SLC25A21: variants seen among roughly 807,000 people sequenced by gnomAD.
SLC25A21 encodes the protein mitochondrial 2-oxodicarboxylate carrier.
A neutral mutation model predicts 43.8 loss-of-function variants in SLC25A21; 47 were observed. The observed-to-expected ratio is 1.07, with a 90% confidence interval of 0.85 to 1.37. The LOEUF is 1.37. Among genes scored for constraint, SLC25A21 ranks in the 40% most tolerant of loss-of-function variants. SLC25A21 has a pLI of 0.00. For synonymous variants in SLC25A21, 131 were observed against 121.3 expected, an observed-to-expected ratio of 1.08 and a Z score of -0.52; for missense variants, 352 against 350.2, an observed-to-expected ratio of 1.00 and a Z score of -0.04.
intron 2 of SLC25A21, among the ~76,000 whole-genome samples, chr14:36,868,453 G>C (rs1890274271): frequency 1.3e-5 from 2 of 152,158 alleles, no homozygotes; most frequent in Admixed American, 6.5e-5. Context: ...CACTTGTCAT[G>C]CGGCTGGCCT....
At chr14:37,039,719 G>A (rs1004743918) in intron 1 of SLC25A21, among the ~76,000 whole-genome samples, 3 of 152,182 alleles carry the variant, frequency 2.0e-5, no homozygotes, top group African/African-American at 7.2e-5. Flanking sequence ...AAGGCTATGT[G>A]CCAGCCCTCA....
chr14:36,969,646 A>G (rs1263707679), intron 1 of SLC25A21, among the ~76,000 whole-genome samples: 1 of 147,704 alleles, frequency 6.8e-6, no homozygotes, highest in East Asian at 2.0e-4. Context: ...GCACCACCAC[A>G]CCTGGCTAAT....
At chr14:36,742,996 C>T (rs1447969758) in intron 3 of SLC25A21, among the ~76,000 whole-genome samples, 1 of 152,110 alleles carries the variant, frequency 6.6e-6, no homozygotes, top group Admixed American at 6.5e-5. Context: ...AAATAAACTA[C>T]AACTTTGATT....
chr14:37,079,185 G>T (rs763592093), intron 1 of SLC25A21, among the ~76,000 whole-genome samples: 1 of 152,028 alleles, frequency 6.6e-6, no homozygotes, highest in Non-Finnish European at 1.5e-5. Context: ...CGTACAACTG[G>T]TCACCCTCAC....
intron 1 of SLC25A21, among the ~76,000 whole-genome samples, chr14:37,022,889 C>T (rs1432273724): frequency 2.0e-5 from 3 of 152,054 alleles, no homozygotes; most frequent in Non-Finnish European, 4.4e-5. Context: ...TGTGAGTCAA[C>T]ATTTCCCTTT....
At chr14:37,120,678 G>A (rs1205456925) in intron 1 of SLC25A21, among the ~76,000 whole-genome samples, 1 of 151,958 alleles carries the variant, frequency 6.6e-6, no homozygotes, top group Admixed American at 6.6e-5. Flanking sequence ...TTAGTTACCG[G>A]GCATGTCAGC....
At chr14:36,753,939 GA>G (rs1227786807) in intron 3 of SLC25A21, among the ~76,000 whole-genome samples, 1 of 148,192 alleles carries the variant, frequency 6.7e-6, no homozygotes, top group African/African-American at 2.6e-5. Flanking sequence ...GAGAGAGAGA[GA>G]GAGAGAGAGA....
chr14:36,978,437 C>T (rs753384220), intron 1 of SLC25A21, among the ~76,000 whole-genome samples: 4 of 152,078 alleles, frequency 2.6e-5, no homozygotes, highest in African/African-American at 9.7e-5. Flanking sequence ...CAAATGCTAA[C>T]GAAGTAGGTA....
intron 1 of SLC25A21, among the ~76,000 whole-genome samples, chr14:37,109,063 T>C (rs1175932717): frequency 6.6e-6 from 1 of 152,162 alleles, no homozygotes; most frequent in Non-Finnish European, 1.5e-5. Flanking sequence ...TTATTTTTTC[T>C]TTAAAATTTT....
chr14:36,680,779 A>T lies in SLC25A21; in HGVS notation c.839-60T>A, dbSNP rs1320082313. On this transcript the variant is annotated intron_variant, in intron 9 of 9. Transcript: ENST00000331299. ...CCTCTGGAATAGCACTGGCTTTCCC[A>T]CTGGGTTTCTGAATCCATGATGTCT... 3 of 1,512,854 alleles carry T rather than the reference A, an allele frequency of 2.0e-6. No individual in the cohort carries two copies. The East Asian group carries it at 6.8e-5, about 34-fold the overall frequency. The allele number at this position is 1,512,854 out of a possible 1,614,324, so 93.7% of individuals were successfully genotyped here.
At chr14:36,980,482 A>T (rs891642224) in intron 1 of SLC25A21, among the ~76,000 whole-genome samples, 5 of 152,072 alleles carry the variant, frequency 3.3e-5, no homozygotes, top group Admixed American at 1.3e-4. Flanking sequence ...TTCTCGCTTC[A>T]TTTCATTCAT....
chr14:37,156,141 A>G (rs1594822333), intron 1 of SLC25A21, among the ~76,000 whole-genome samples: 1 of 145,682 alleles, frequency 6.9e-6, no homozygotes. Flanking sequence ...CCTGGGTGAC[A>G]GAGTGAGACT....
intron 3 of SLC25A21, among the ~76,000 whole-genome samples, chr14:36,754,234 G>C (rs1296036657): frequency 6.6e-6 from 1 of 152,136 alleles, no homozygotes; most frequent in Non-Finnish European, 1.5e-5. Flanking sequence ...ATCAGTTGAA[G>C]GCCTGAGTAG....
In SLC25A21 at chr14:36,683,894, G is replaced by T; in HGVS notation, c.786-14C>A. 1 of 1,597,264 alleles carries T rather than the reference G, an allele frequency of 6.3e-7. No individual in the cohort carries two copies. The highest frequency in any genetic ancestry group is 1.1e-5 in the South Asian group (1 of 88,502). ...AAAGCTAAAATCCTGTAATGGGAAG[G>T]GAAAGAGAAACGTTCTTATTCTGAA... On this transcript the variant is annotated splice_polypyrimidine_tract_variant and intron_variant, in intron 8 of 9. Transcript: ENST00000331299.
intron 1 of SLC25A21, among the ~76,000 whole-genome samples, chr14:37,109,396 G>C (rs1325201900): frequency 6.6e-6 from 1 of 150,700 alleles, no homozygotes; most frequent in African/African-American, 2.4e-5. Context: ...AAGGAGGGAA[G>C]GAAGGAAAGG....
At position 37,028,989 on chromosome 14, in the gene SLC25A21, A is replaced by C. The variant is rs148667141; in HGVS notation, c.70+143292T>G. ...TCACTAGTCCTTGCCAATTATTCTA[A>C]CTAGTACTTGCCAGCACATCAGAAT... On this transcript the variant is annotated intron_variant, in intron 1 of 9. Coordinates refer to ENST00000331299, the MANE Select transcript of SLC25A21 (RefSeq NM_030631.4). Among the ~76,000 whole-genome samples the C allele has an allele frequency of 7.9e-5, 12 of 152,314 alleles. No individual in the cohort carries two copies. In the East Asian group the frequency reaches 2.1e-3, roughly 27 times the overall value.
chr14:36,922,370 T>G (rs536675985), intron 1 of SLC25A21, among the ~76,000 whole-genome samples: 165 of 152,146 alleles, frequency 1.1e-3, no homozygotes, highest in Non-Finnish European at 1.5e-3. Context: ...AAGCAATTTC[T>G]AAACTGAAAA....
At chr14:36,714,096 CTT>C (rs1041813608) in intron 6 of SLC25A21, among the ~76,000 whole-genome samples, 12 of 152,186 alleles carry the variant, frequency 7.9e-5, no homozygotes, top group African/African-American at 2.9e-4. Context: ...CTGTAAACAA[CTT>C]AGTCCATTCT....
In SLC25A21 at chr14:36,679,334, TG is replaced by T; in HGVS notation, c.*1323del. ...AAGCCTTTTATTTTTATACTTCAAATGCTCTAAATTAATAAAAAGTAATAAT... is the reference window on the plus strand; with the variant it reads ...AAGCCTTTTATTTTTATACTTCAAATCTCTAAATTAATAAAAAGTAATAAT... On this transcript the variant is annotated 3_prime_UTR_variant, in exon 10 of 10. Transcript: ENST00000331299. 1 of 969,584 alleles carries T rather than the reference TG, an allele frequency of 1.0e-6. No homozygotes were observed. Among genetic ancestry groups the T allele is most frequent in the Non-Finnish European group, 1.2e-6 (1 of 815,556 alleles). The allele number at this position is 969,584 out of a possible 1,614,324, so 60.1% of individuals were successfully genotyped here.
Sources: gnomAD v4.1 joint callset for allele counts (sites outside exome capture counted in the v4.1 genomes callset) on GRCh38, gnomAD v4.1.1 for gene constraint, MANE v1.5 for transcripts, NCBI Gene and HGNC (gene_info 2026-07-23, HGNC 2026-07-21) for gene names.